Variants in TAFA5 observed in about 807,000 individuals in gnomAD.
TAFA5 encodes the protein chemokine-like protein TAFA-5.
Under a neutral mutation model 15.3 loss-of-function variants are expected in TAFA5, and 6 were observed. The ratio of observed to expected loss-of-function variants is 0.39; its 90% CI spans 0.21 to 0.77. The LOEUF is 0.77. TAFA5 is among the 30% of genes least tolerant of loss of function. The pLI, the probability that TAFA5 is intolerant of heterozygous loss-of-function variation, is 0.41. For missense variants in TAFA5, 161 were observed against 193.1 expected (o/e 0.83, Z 0.98); for synonymous variants, 103 against 80.7 (o/e 1.28, Z -1.48).
At chr22:48,694,849 C>T (rs1449320878) in intron 2 of TAFA5, among the ~76,000 whole-genome samples, 2 of 123,640 alleles carry the variant, frequency 1.6e-5, no homozygotes, top group East Asian at 2.3e-4. Context: ...CACCCCCCGC[C>T]GCTCCAGACT....
intron 3 of TAFA5, among the ~76,000 whole-genome samples, chr22:48,720,986 G>A (rs960362): frequency 4.6e-5 from 7 of 152,160 alleles, no homozygotes; most frequent in African/African-American, 1.7e-4. Context: ...TGAAGACCCC[G>A]GATGAGGAAC....
At chr22:48,624,592 T>C (rs1925963180) in intron 1 of TAFA5, among the ~76,000 whole-genome samples, 1 of 152,170 alleles carries the variant, frequency 6.6e-6, no homozygotes, top group African/African-American at 2.4e-5. Flanking sequence ...ATTTACCGGG[T>C]TGCCAGGTAT....
chr22:48,749,702 C>A, intron 3 of TAFA5, 137 bp from the exon 4 acceptor site: 1 of 908,298 alleles, frequency 1.1e-6, no homozygotes, highest in African/African-American at 1.7e-5. Context: ...CCTCACAGCA[C>A]TGAGGATGAG....
At chr22:48,577,721 C>T (rs969948600) in intron 1 of TAFA5, among the ~76,000 whole-genome samples, 3 of 152,218 alleles carry the variant, frequency 2.0e-5, no homozygotes, top group African/African-American at 4.8e-5. Context: ...GGCCTGGTGT[C>T]CACTTCCCTC....
chr22:48,489,642 C>G lies in TAFA5; in HGVS notation c.50C>G (p.Pro17Arg), dbSNP rs1928068668. ...TGSRQDATALPSMSSTFWAFM... is the reference protein window; with the variant it reads ...TGSRQDATALRSMSSTFWAFM... ...AGCCGGCAAGATGCGACCGCCCTGC[C>G]CAGCATGTCCTCAACTTTCTGGGCG... is the stretch of plus-strand genomic sequence containing the variant. The change falls in exon 1 of 4, where the codon CCC (proline) becomes CGC (arginine). Residue 17 changes from proline to arginine, a missense_variant. Coordinates refer to ENST00000402357, the MANE Select transcript of TAFA5 (RefSeq NM_001082967.3). The surrounding 1 kb of genome is among the most constrained non-coding windows in gnomAD (Gnocchi z 5.5). The G allele has an allele frequency of 1.3e-6, 2 of 1,528,746 alleles. No homozygotes were observed. The highest frequency in any genetic ancestry group is 1.7e-4 in the Middle Eastern group (1 of 5,806). The allele number at this position is 1,528,746 out of a possible 1,614,324, so 94.7% of individuals were successfully genotyped here. A position where few individuals can be genotyped will look rare whatever the true frequency, so the allele number is the denominator to read the frequency against.
chr22:48,703,662 G>T (rs1928987197), intron 2 of TAFA5, among the ~76,000 whole-genome samples: 1 of 152,232 alleles, frequency 6.6e-6, no homozygotes, highest in Non-Finnish European at 1.5e-5. Flanking sequence ...CTTCTCCCGG[G>T]ATTTCCCAGC....
chr22:48,619,793 C>T (rs368071675), intron 1 of TAFA5, among the ~76,000 whole-genome samples: 3 of 152,232 alleles, frequency 2.0e-5, no homozygotes, highest in Non-Finnish European at 2.9e-5. Context: ...GTGGTCACAG[C>T]GTAGAGTCTG....
intron 2 of TAFA5, among the ~76,000 whole-genome samples, chr22:48,660,758 A>G (rs1450356444): frequency 2.6e-5 from 4 of 152,106 alleles, no homozygotes; most frequent in Admixed American, 2.6e-4. Context: ...GCCCTCTCCC[A>G]GGCCGGGGTC....
chr22:48,537,074 C>T (rs1922191595), intron 1 of TAFA5, among the ~76,000 whole-genome samples: 1 of 152,220 alleles, frequency 6.6e-6, no homozygotes, highest in African/African-American at 2.4e-5. Context: ...AAACAAAAAC[C>T]CCCTCGGCCT....
intron 3 of TAFA5, among the ~76,000 whole-genome samples, chr22:48,721,968 C>A (rs890823965): frequency 1.6e-4 from 21 of 133,724 alleles, no homozygotes; most frequent in Admixed American, 6.6e-4. Context: ...CAGAGCAAAA[C>A]TCTGTCTGAA....
intron 2 of TAFA5, among the ~76,000 whole-genome samples, chr22:48,706,580 C>T (rs1018640239): frequency 2.0e-5 from 3 of 152,166 alleles, no homozygotes; most frequent in African/African-American, 7.2e-5. Flanking sequence ...CCTAATCTCC[C>T]GCCATAGGGT....
intron 2 of TAFA5, among the ~76,000 whole-genome samples, chr22:48,706,607 A>C (rs1214518138): frequency 6.6e-6 from 1 of 152,206 alleles, no homozygotes; most frequent in African/African-American, 2.4e-5. Context: ...CGGTGGTAGA[A>C]TCCTGTGTAT....
At chr22:48,737,050 G>A (rs1930049924) in intron 3 of TAFA5, among the ~76,000 whole-genome samples, 1 of 152,146 alleles carries the variant, frequency 6.6e-6, no homozygotes, top group South Asian at 2.1e-4. Context: ...TCTCTCCCCT[G>A]GTCCCCAGGG....
intron 3 of TAFA5, among the ~76,000 whole-genome samples, chr22:48,733,016 T>G (rs1196054254): frequency 6.6e-6 from 1 of 152,198 alleles, no homozygotes; most frequent in Non-Finnish European, 1.5e-5. Context: ...CAGTATAATA[T>G]AAACATAGCT....
rs116855465 is a variant in TAFA5, at chr22:48,740,799, A to G, written c.391-9040A>G. ...AGGGTCTGCAGGCACCGTGCTGAGG[A>G]CATGCCCCCGGCAGGCCTCACAATT... On this transcript the variant is annotated intron_variant, in intron 3 of 3. Transcript: ENST00000402357. Among the ~76,000 whole-genome samples, 134 of 152,258 alleles carry G rather than the reference A, an allele frequency of 8.8e-4. No individual in the cohort carries two copies. The East Asian group carries it at 0.01, about 12-fold the overall frequency.
intron 1 of TAFA5, among the ~76,000 whole-genome samples, chr22:48,577,323 A>C (rs1191145387): frequency 6.6e-6 from 1 of 152,150 alleles, no homozygotes; most frequent in Non-Finnish European, 1.5e-5. Flanking sequence ...CAGGCACCCC[A>C]GACACACTCC....
At chr22:48,592,998 A>AAG (rs1924626648) in intron 1 of TAFA5, among the ~76,000 whole-genome samples, 1 of 151,842 alleles carries the variant, frequency 6.6e-6, no homozygotes, top group East Asian at 1.9e-4. Context: ...GGGCCTCTTC[A>AAG]GAGCTAGCTG....
At position 48,639,171 on chromosome 22, in the gene TAFA5, C is replaced by T. The variant is rs559427571; in HGVS notation, c.113-7426C>T. Among the ~76,000 whole-genome samples, 128 of 152,334 alleles carry T rather than the reference C, an allele frequency of 8.4e-4. No individual in the cohort carries two copies. In the Middle Eastern group the frequency reaches 0.014, roughly 16 times the overall value. On this transcript the variant is annotated intron_variant, in intron 1 of 3. Transcript: ENST00000402357. ...CAGGCTGGTGTGTGAGCACTCCCTA[C>T]GGGAACTCTGGGCGGCCCCACGGCG...
chr22:48,664,609 G>A (rs1176432215), intron 2 of TAFA5, among the ~76,000 whole-genome samples: 3 of 152,092 alleles, frequency 2.0e-5, no homozygotes, highest in East Asian at 3.9e-4. Context: ...CTCCTGGCCC[G>A]ATCTCACCCC....
Sources: allele counts gnomAD v4.1 joint callset (sites outside exome capture counted in the v4.1 genomes callset), GRCh38; gene constraint gnomAD v4.1.1; non-coding constraint Gnocchi (gnomAD v3.1); transcripts MANE v1.5; gene names NCBI Gene and HGNC (gene_info 2026-07-23, HGNC 2026-07-21).